The following NEBL variants were observed in gnomAD, a reference collection of about 807,000 sequenced individuals.
The protein encoded by NEBL is LIM and SH3 protein 2.
Under a neutral mutation model 140.2 loss-of-function variants are expected in NEBL, and 122 were observed. The observed-to-expected ratio is 0.87, with a 90% confidence interval of 0.75 to 1.01. The LOEUF is 1.01. Among genes scored for constraint, NEBL ranks in the 50% least tolerant of loss-of-function variants. The probability of loss-of-function intolerance (pLI) is 0.00; values close to 1 mark genes in which losing one functional copy is unlikely to be tolerated. For synonymous variants in NEBL, 436 were observed against 398.9 expected (o/e 1.09, Z -1.11); for missense variants, 1,365 against 1,231.3 (o/e 1.11, Z -1.62).
chr10:20,836,677 T>G (rs535561918), intron 13 of NEBL, among the ~76,000 whole-genome samples: 1 of 152,136 alleles, frequency 6.6e-6, no homozygotes, highest in African/African-American at 2.4e-5. Flanking sequence ...GCCTCTCCTA[T>G]TCCTGTGTGG....
chr10:21,136,924 A>G (rs2132084499), intron 2 of NEBL, among the ~76,000 whole-genome samples: 1 of 152,340 alleles, frequency 6.6e-6, no homozygotes, highest in African/African-American at 2.4e-5. Flanking sequence ...GAATTAATGG[A>G]CATCTAGAGA....
intron 1 of NEBL, among the ~76,000 whole-genome samples, chr10:21,274,364 T>C (rs1842893616): frequency 6.6e-6 from 1 of 152,232 alleles, no homozygotes; most frequent in African/African-American, 2.4e-5. Context: ...AATCACATAG[T>C]CGATTAACAC....
intron 3 of NEBL, among the ~76,000 whole-genome samples, chr10:21,017,412 C>A (rs947707839): frequency 6.6e-6 from 1 of 152,188 alleles, no homozygotes; most frequent in African/African-American, 2.4e-5. Flanking sequence ...TGAGCAAAAT[C>A]TTTATAAAGA....
intron 3 of NEBL, among the ~76,000 whole-genome samples, chr10:21,244,477 C>T (rs1220214367): frequency 6.6e-6 from 1 of 151,456 alleles, no homozygotes; most frequent in Non-Finnish European, 1.5e-5. Flanking sequence ...CATGGTGAAA[C>T]CCCATCTCTA....
chr10:20,803,792 T>A (rs781590682), intron 26 of NEBL, among the ~76,000 whole-genome samples: 4 of 146,276 alleles, frequency 2.7e-5, no homozygotes, highest in Non-Finnish European at 6.0e-5. Context: ...TCATGGAGAC[T>A]TCTTTCCTTC....
At chr10:20,970,386 C>T (rs1836517189) in intron 3 of NEBL, among the ~76,000 whole-genome samples, 1 of 152,146 alleles carries the variant, frequency 6.6e-6, no homozygotes, top group South Asian at 2.1e-4. Flanking sequence ...CATCTGTAAT[C>T]CCAGCACTTT....
intron 17 of NEBL, among the ~76,000 whole-genome samples, chr10:20,826,830 C>G (rs1839928703): frequency 6.6e-6 from 1 of 152,198 alleles, no homozygotes; most frequent in African/African-American, 2.4e-5. Context: ...AACCAGAGTT[C>G]CTTTCTTCAA....
intron 2 of NEBL, among the ~76,000 whole-genome samples, chr10:21,071,038 T>C (rs1326226654): frequency 6.6e-6 from 1 of 150,846 alleles, no homozygotes; most frequent in Admixed American, 6.6e-5. Context: ...CCAGGTGTGG[T>C]GGCGTGTGCC....
intron 2 of NEBL, among the ~76,000 whole-genome samples, chr10:21,055,135 A>C (rs1396940201): frequency 2.6e-5 from 4 of 152,212 alleles, no homozygotes; most frequent in Non-Finnish European, 2.9e-5. Context: ...CTGCTATTAA[A>C]AAGTTTTACA....
At chr10:21,194,349 GA>G (rs907708858) in intron 3 of NEBL, among the ~76,000 whole-genome samples, 26 of 151,792 alleles carry the variant, frequency 1.7e-4, no homozygotes, top group Non-Finnish European at 2.9e-4. Context: ...TTTTTTAATA[GA>G]AAAAAAGTTA....
At chr10:20,795,209 C>G (rs1836392692) in intron 26 of NEBL, among the ~76,000 whole-genome samples, 2 of 152,090 alleles carry the variant, frequency 1.3e-5, no homozygotes, top group Admixed American at 1.3e-4. Flanking sequence ...GCGGTCAACC[C>G]TTCCTGCTTG....
intron 20 of NEBL, among the ~76,000 whole-genome samples, chr10:20,818,530 G>A (rs1838963560): frequency 6.6e-6 from 1 of 152,164 alleles, no homozygotes; most frequent in Non-Finnish European, 1.5e-5. Context: ...TCTTTGACTT[G>A]ATACTATGTC....
chr10:20,912,786 G>A (rs1386254471), intron 4 of NEBL, among the ~76,000 whole-genome samples: 2 of 151,906 alleles, frequency 1.3e-5, no homozygotes, highest in Non-Finnish European at 2.9e-5. Flanking sequence ...GACATTTGAA[G>A]CTGTCTGCAT....
intron 16 of NEBL, among the ~76,000 whole-genome samples, chr10:20,829,524 C>T (rs1332374694): frequency 2.0e-5 from 3 of 151,590 alleles, no homozygotes; most frequent in South Asian, 2.1e-4. Context: ...CAGCATAGCA[C>T]ATGTATACAT....
At chr10:21,174,022 C>G (rs1395376443) in exon 1 of NEBL, 2 of 1,153,036 alleles carry the variant, frequency 1.7e-6, no homozygotes, top group Non-Finnish European at 2.1e-6. Flanking sequence ...GCGCCTGGGG[C>G]CGGCCGCGCT....
intron 3 of NEBL, among the ~76,000 whole-genome samples, chr10:21,246,156 G>A (rs1007604113): frequency 2.0e-5 from 3 of 152,166 alleles, no homozygotes; most frequent in Admixed American, 1.3e-4. Flanking sequence ...CTCCTCTAGA[G>A]CAGGGACTGT....
intron 3 of NEBL, among the ~76,000 whole-genome samples, chr10:21,205,234 A>G (rs1370260093): frequency 6.6e-6 from 1 of 152,232 alleles, no homozygotes; most frequent in African/African-American, 2.4e-5. Flanking sequence ...AGATTACAAT[A>G]TCTGCCCCAA....
intron 2 of NEBL, among the ~76,000 whole-genome samples, chr10:21,102,078 C>T (rs1837504508): frequency 6.6e-6 from 1 of 152,180 alleles, no homozygotes; most frequent in African/African-American, 2.4e-5. Context: ...CTGAACAATT[C>T]ATTTTACTTC....
chr10:21,078,356 G>A (rs1191402699), intron 2 of NEBL, among the ~76,000 whole-genome samples: 1 of 152,076 alleles, frequency 6.6e-6, no homozygotes, highest in African/African-American at 2.4e-5. Flanking sequence ...TTATTACAAC[G>A]AACACTTTTA....
Sources: allele counts gnomAD v4.1 joint callset (sites outside exome capture counted in the v4.1 genomes callset), GRCh38; gene constraint gnomAD v4.1.1; transcripts MANE v1.5; gene names NCBI Gene and HGNC (gene_info 2026-07-23, HGNC 2026-07-21).